The following SLIT3 variants were observed in gnomAD, a reference collection of about 807,000 sequenced individuals.
The protein encoded by SLIT3 is slit homolog 3 protein.
Under a neutral mutation model 184.0 loss-of-function variants are expected in SLIT3, and 68 were observed. The ratio of observed to expected loss-of-function variants is 0.37; its 90% CI spans 0.30 to 0.45. The LOEUF is 0.45. Among genes scored for constraint, SLIT3 ranks in the 20% least tolerant of loss-of-function variants. The pLI, the probability that SLIT3 is intolerant of heterozygous loss-of-function variation, is 1.00. For missense variants in SLIT3, 1,707 were observed against 2,026.0 expected (o/e 0.84, Z 3.02); for synonymous variants, 831 against 828.6 (o/e 1.00, Z -0.05).
In SLIT3 at chr5:168,824,125, C is replaced by A. The variant is rs536266330; in HGVS notation, c.558-794G>T. Among the ~76,000 whole-genome samples the A allele has an allele frequency of 2.0e-5, 3 of 152,268 alleles. No individual in the cohort carries two copies. In the South Asian group the frequency reaches 6.2e-4, roughly 32 times the overall value. ...CTAATTTTTGTATTTTTAGTAGAGA[C>A]AGGATTTCACCATGTGGGCCAGGCT... On this transcript the variant is annotated intron_variant, in intron 6 of 35. Transcript: ENST00000519560.
At chr5:168,910,745 CAAA>C (rs11308973) in intron 4 of SLIT3, among the ~76,000 whole-genome samples, 6 of 111,988 alleles carry the variant, frequency 5.4e-5, no homozygotes, top group Admixed American at 9.0e-5. Context: ...GACTCTGTCT[CAAA>C]AAAAAAAAAA....
chr5:168,797,101 G>A (rs1756590047), intron 9 of SLIT3, among the ~76,000 whole-genome samples: 1 of 152,100 alleles, frequency 6.6e-6, no homozygotes, highest in African/African-American at 2.4e-5. Flanking sequence ...TCACAGGCCT[G>A]GCTAGCCTGC....
At chr5:168,979,628 C>T (rs1754883545) in intron 4 of SLIT3, among the ~76,000 whole-genome samples, 1 of 152,196 alleles carries the variant, frequency 6.6e-6, no homozygotes, top group African/African-American at 2.4e-5. Flanking sequence ...CTCTCCACAG[C>T]CTGGAGAATG....
intron 4 of SLIT3, among the ~76,000 whole-genome samples, chr5:168,897,733 G>A: frequency 6.6e-6 from 1 of 151,836 alleles, no homozygotes; most frequent in South Asian, 2.1e-4. Flanking sequence ...GGCCAAGCAA[G>A]TATGGGGCTG....
chr5:168,736,035 TTTCCTGGG>T (rs1763425925), intron 20 of SLIT3, among the ~76,000 whole-genome samples: 1 of 152,178 alleles, frequency 6.6e-6, no homozygotes, highest in Non-Finnish European at 1.5e-5. Flanking sequence ...CCTCCTTTAC[TTTCCTGGG>T]AAATCCCCCT....
Position 168,785,993 on chromosome 5 carries a change from G to C in SLIT3, c.1080-15C>G, listed in dbSNP as rs751244876. The C allele has an allele frequency of 3.8e-6, 6 of 1,585,710 alleles. No individual in the cohort carries two copies. In the South Asian group the frequency reaches 4.4e-5, roughly 12 times the overall value. On this transcript the variant is annotated splice_polypyrimidine_tract_variant and intron_variant, in intron 11 of 35. Transcript: ENST00000519560. ...CATACAGGACCCTGAAAGAGAGAAG[G>C]AGAAGACAGCAATCACTGTGGATGT...
At chr5:169,140,086 G>A (rs1339916819) in intron 4 of SLIT3, among the ~76,000 whole-genome samples, 1 of 151,928 alleles carries the variant, frequency 6.6e-6, no homozygotes, top group African/African-American at 2.4e-5. Context: ...TGACTGGGGA[G>A]CAAGAGTCCA....
In SLIT3 at chr5:169,026,287, A is replaced by T. The variant is rs181112943; in HGVS notation, c.414-142951T>A. 4 of 152,354 alleles carry T rather than the reference A, an allele frequency of 2.6e-5. No homozygotes were observed. In the East Asian group the frequency reaches 5.8e-4, roughly 22 times the overall value. 9.4% of individuals were successfully genotyped at this position (152,354 alleles called of 1,614,324 possible). A position where few individuals can be genotyped will look rare whatever the true frequency, so the allele number is the denominator to read the frequency against. The stretch of plus-strand genomic sequence containing the variant: ...TAAGAAGGCTTCCTGAAATAGACAA[A>T]GTATGTTGTTTTGCCATTTCTAGGA... On this transcript the variant is annotated intron_variant, in intron 4 of 35. Transcript: ENST00000519560.
At position 168,784,780 on chromosome 5, in the gene SLIT3, T is replaced by G. The variant is rs559334283; in HGVS notation, c.1151+1127A>C. Among the ~76,000 whole-genome samples the G allele has an allele frequency of 3.3e-5, 5 of 152,192 alleles. No homozygotes were observed. The South Asian group carries it at 1.0e-3, about 32-fold the overall frequency. ...GCTTGAGTCCTGGCCCACAAACCCA[T>G]GCTGTGGGTCCTCTGAACTTTACGT... On this transcript the variant is annotated intron_variant, in intron 12 of 35. Transcript: ENST00000519560.
Position 168,852,588 on chromosome 5 carries a change from A to G in SLIT3, c.486-7933T>C, listed in dbSNP as rs939951372. The stretch of plus-strand genomic sequence containing the variant: ...CCTGACAGTGCACTGAAACCACATC[A>G]TCTCCTTCAGCCTCGAGAGATCTTT... On this transcript the variant is annotated intron_variant, in intron 5 of 35. Transcript: ENST00000519560. 1.3e-5 allele frequency among the ~76,000 whole-genome samples: 2 copies of G among 152,236 alleles called. 1 individual carries two copies. Among genetic ancestry groups the G allele is most frequent in the East Asian group, 3.9e-4 (2 of 5,194 alleles).
At chr5:169,122,886 C>T (rs2113292675) in intron 4 of SLIT3, among the ~76,000 whole-genome samples, 1 of 152,282 alleles carries the variant, frequency 6.6e-6, no homozygotes, top group East Asian at 1.9e-4. Flanking sequence ...TCTACAAAAT[C>T]CTTGAACTTT....
chr5:168,708,423 T>G, intron 25 of SLIT3: 1 of 374,434 alleles, frequency 2.7e-6, no homozygotes, highest in Non-Finnish European at 5.0e-6. Context: ...CCTGTGTATC[T>G]TTTCATATTC....
intron 4 of SLIT3, among the ~76,000 whole-genome samples, chr5:169,084,151 A>G (rs1425472826): frequency 6.6e-6 from 1 of 152,180 alleles, no homozygotes; most frequent in Admixed American, 6.5e-5. Flanking sequence ...ATACAGTACC[A>G]GAGTCTGCAG....
At position 168,804,530 on chromosome 5, in the gene SLIT3, G is replaced by A. The variant is rs73805230; in HGVS notation, c.935+1916C>T. ...TCTAAAGCTAGAGCACTGGACCACA[G>A]GGACTGAAGGAGAGGTGCATTAAAA... On this transcript the variant is annotated intron_variant, in intron 9 of 35. Transcript: ENST00000519560. 3.0e-3 allele frequency among the ~76,000 whole-genome samples: 454 copies of A among 152,178 alleles called. 3 individuals are homozygous for A. The highest frequency in any genetic ancestry group is 0.011 in the African/African-American group (445 of 41,524).
intron 5 of SLIT3, among the ~76,000 whole-genome samples, chr5:168,863,884 G>T (rs546117492): frequency 8.5e-5 from 13 of 152,110 alleles, no homozygotes; most frequent in Non-Finnish European, 1.9e-4. Context: ...ATTACTGTCA[G>T]CATTTCCTAT....
intron 4 of SLIT3, among the ~76,000 whole-genome samples, chr5:169,004,012 C>T (rs959841291): frequency 1.3e-5 from 2 of 152,160 alleles, no homozygotes; most frequent in African/African-American, 4.8e-5. Flanking sequence ...ATTGGTAAAT[C>T]ATCAGCATAA....
chr5:169,096,354 A>C (rs1434665416), intron 4 of SLIT3, among the ~76,000 whole-genome samples: 4 of 152,174 alleles, frequency 2.6e-5, no homozygotes, highest in African/African-American at 9.7e-5. Flanking sequence ...AAGGTAGATT[A>C]TATATGATTT....
chr5:168,907,742 G>C (rs1451334140), intron 4 of SLIT3, among the ~76,000 whole-genome samples: 4 of 151,560 alleles, frequency 2.6e-5, no homozygotes, highest in African/African-American at 9.7e-5. Context: ...TAAATATTTT[G>C]CTTATTTCTT....
chr5:168,816,838 G>A (rs1343578558), intron 8 of SLIT3, among the ~76,000 whole-genome samples: 1 of 152,170 alleles, frequency 6.6e-6, no homozygotes, highest in East Asian at 1.9e-4. Context: ...CGGATGAGCA[G>A]TAACTTGCCA....
Sources: gnomAD v4.1 joint callset for allele counts (sites outside exome capture counted in the v4.1 genomes callset) on GRCh38, gnomAD v4.1.1 for gene constraint, MANE v1.5 for transcripts, NCBI Gene and HGNC (gene_info 2026-07-23, HGNC 2026-07-21) for gene names.